The following SPAG16 variants were observed in gnomAD, a reference collection of about 807,000 sequenced individuals.
The protein encoded by SPAG16 is sperm associated antigen 16, also known as sperm-associated antigen 16 protein.
Under a neutral mutation model 80.4 loss-of-function variants are expected in SPAG16, and 86 were observed. The ratio of observed to expected loss-of-function variants is 1.07; its 90% CI spans 0.90 to 1.28. SPAG16 has a LOEUF of 1.28. Ranked by LOEUF, SPAG16 falls within the 50% of genes most tolerant of loss-of-function variation. The pLI is 0.00. For synonymous variants in SPAG16, 294 were observed against 265.9 expected (o/e 1.11, Z -1.03); for missense variants, 870 against 765.3 (o/e 1.14, Z -1.61).
At chr2:213,350,003 AT>A (rs1313840527) in intron 6 of SPAG16, among the ~76,000 whole-genome samples, 2 of 152,212 alleles carry the variant, frequency 1.3e-5, no homozygotes, top group Non-Finnish European at 2.9e-5. Context: ...AATAAAACAG[AT>A]TTTTTAAAGG....
At chr2:213,699,158 A>G (rs1023650508) in intron 10 of SPAG16, among the ~76,000 whole-genome samples, 1 of 151,740 alleles carries the variant, frequency 6.6e-6, no homozygotes, top group African/African-American at 2.4e-5. Context: ...TTTCTGCTTC[A>G]CCTTTCCTAT....
At chr2:214,344,936 G>T (rs1250223904) in intron 15 of SPAG16, among the ~76,000 whole-genome samples, 1 of 152,076 alleles carries the variant, frequency 6.6e-6, no homozygotes, top group Non-Finnish European at 1.5e-5. Flanking sequence ...CAGTTCAAAT[G>T]AATGAGTATT....
intron 15 of SPAG16, among the ~76,000 whole-genome samples, chr2:214,207,931 GC>G (rs1418467522): frequency 6.6e-6 from 1 of 152,334 alleles, no homozygotes; most frequent in South Asian, 2.1e-4. Flanking sequence ...CTAGTGGTTT[GC>G]CAGAGGCTCT....
chr2:213,741,607 AT>A (rs1470474661), intron 10 of SPAG16, among the ~76,000 whole-genome samples: 2 of 152,196 alleles, frequency 1.3e-5, no homozygotes, highest in Non-Finnish European at 2.9e-5. Context: ...TTGATTTCAG[AT>A]TTTAAAAAAT....
chr2:214,249,409 A>C (rs1690087867), intron 15 of SPAG16, among the ~76,000 whole-genome samples: 2 of 152,116 alleles, frequency 1.3e-5, no homozygotes, highest in African/African-American at 4.8e-5. Context: ...AAGAAGGAGA[A>C]GGAAGAGGAG....
At chr2:214,307,673 G>T (rs1576739157) in intron 15 of SPAG16, among the ~76,000 whole-genome samples, 1 of 152,170 alleles carries the variant, frequency 6.6e-6, no homozygotes, top group East Asian at 1.9e-4. Context: ...TCAGGAGCAG[G>T]TTATTCAATT....
intron 11 of SPAG16, among the ~76,000 whole-genome samples, chr2:213,909,241 T>C (rs1339322624): frequency 7.0e-4 from 106 of 152,140 alleles, no homozygotes; most frequent in African/African-American, 2.1e-3. Context: ...TACAAAGAAA[T>C]GGAAGAACAT....
intron 15 of SPAG16, among the ~76,000 whole-genome samples, chr2:214,387,198 GTTC>G (rs1279828456): frequency 2.0e-5 from 3 of 151,946 alleles, no homozygotes; most frequent in Non-Finnish European, 4.4e-5. Flanking sequence ...CCTCTTTTGT[GTTC>G]TTAAGATGCC....
intron 10 of SPAG16, among the ~76,000 whole-genome samples, chr2:213,843,262 T>C (rs2074452471): frequency 6.6e-6 from 1 of 152,206 alleles, no homozygotes. Flanking sequence ...ACCAGAGGAA[T>C]GCTGATTTTT....
chr2:213,886,622 C>T (rs2076565329), intron 11 of SPAG16, among the ~76,000 whole-genome samples: 1 of 151,732 alleles, frequency 6.6e-6, no homozygotes, highest in Non-Finnish European at 1.5e-5. Flanking sequence ...ATGCTTAATG[C>T]CAAAAAATAT....
At chr2:213,290,039 C>T (rs548929141) in intron 1 of SPAG16, among the ~76,000 whole-genome samples, 24 of 152,318 alleles carry the variant, frequency 1.6e-4, no homozygotes, top group East Asian at 1.2e-3. Flanking sequence ...AATGTCTCAC[C>T]GAGGTTTCTG....
intron 9 of SPAG16, among the ~76,000 whole-genome samples, chr2:213,468,800 G>A (rs1377945307): frequency 6.6e-6 from 1 of 150,678 alleles, no homozygotes; most frequent in Non-Finnish European, 1.5e-5. Context: ...AAATCACAAG[G>A]TCTCACAACA....
rs144089731 is a variant in SPAG16, at chr2:214,342,427, T to C, written c.1721-67713T>C. Among the ~76,000 whole-genome samples the C allele has an allele frequency of 5.3e-5, 8 of 152,296 alleles. No individual in the cohort carries two copies. The East Asian group carries it at 1.5e-3, about 29-fold the overall frequency. On this transcript the variant is annotated intron_variant, in intron 15 of 15. Transcript: ENST00000331683. ...GCCTCCTGTCAGATCAGTGGCAGCA[T>C]AGATTCCCACAGGAAGGGAACCCTA...
chr2:214,382,048 A>G lies in SPAG16; in HGVS notation c.1721-28092A>G, dbSNP rs1255658082. Among the ~76,000 whole-genome samples, 3 of 152,364 alleles carry G rather than the reference A, an allele frequency of 2.0e-5. No individual in the cohort carries two copies. In the East Asian group the frequency reaches 5.8e-4, roughly 29 times the overall value. ...TAGATTTGGAAAAAGAAAAGTAAAT[A>G]TCACGGTGATTTGTTAGCCAAGTTT... On this transcript the variant is annotated intron_variant, in intron 15 of 15. Coordinates refer to ENST00000331683, the MANE Select transcript of SPAG16 (RefSeq NM_024532.5).
intron 9 of SPAG16, among the ~76,000 whole-genome samples, chr2:213,398,909 A>G (rs758318561): frequency 6.6e-6 from 1 of 152,186 alleles, no homozygotes; most frequent in Non-Finnish European, 1.5e-5. Flanking sequence ...ATTTGAAGGA[A>G]TGCATAAATT....
At chr2:213,794,131 G>T (rs1480292380) in intron 10 of SPAG16, among the ~76,000 whole-genome samples, 1 of 152,116 alleles carries the variant, frequency 6.6e-6, no homozygotes, top group Admixed American at 6.5e-5. Flanking sequence ...TAAAGTTCAA[G>T]CTTTGTCCTT....
chr2:213,461,670 A>C (rs932128947), intron 9 of SPAG16, among the ~76,000 whole-genome samples: 2 of 152,228 alleles, frequency 1.3e-5, no homozygotes, highest in African/African-American at 4.8e-5. Context: ...ATTAATCAAA[A>C]TCATGAAAGC....
chr2:213,922,993 G>C (rs1013157636), intron 11 of SPAG16, among the ~76,000 whole-genome samples: 1 of 152,190 alleles, frequency 6.6e-6, no homozygotes. Context: ...GCAGAAGTGG[G>C]ACCTCTGGGT....
chr2:214,307,985 G>A (rs1695035056), intron 15 of SPAG16, among the ~76,000 whole-genome samples: 1 of 152,030 alleles, frequency 6.6e-6, no homozygotes, highest in African/African-American at 2.4e-5. Context: ...TCATCAATGG[G>A]GTATTGATGT....
Sources: allele counts gnomAD v4.1 joint callset (sites outside exome capture counted in the v4.1 genomes callset), GRCh38; gene constraint gnomAD v4.1.1; transcripts MANE v1.5; gene names NCBI Gene and HGNC (gene_info 2026-07-23, HGNC 2026-07-21).